Variants in ACBD6 observed in about 807,000 individuals in gnomAD.
The protein encoded by ACBD6 is acyl-CoA binding domain containing 6.
A neutral mutation model predicts 37.2 loss-of-function variants in ACBD6; 28 were observed. That is an observed-to-expected ratio of 0.75 (90% CI 0.56 to 1.03). ACBD6 has a LOEUF of 1.03. Among genes scored for constraint, ACBD6 ranks in the 50% least tolerant of loss-of-function variants. ACBD6 has a pLI of 0.00. For synonymous variants in ACBD6, 113 were observed against 126.8 expected (o/e 0.89, Z 0.73); for missense variants, 340 against 337.4 (o/e 1.01, Z -0.06).
At chr1:180,494,850 A>G (rs1204108255) in intron 2 of ACBD6, among the ~76,000 whole-genome samples, 1 of 152,184 alleles carries the variant, frequency 6.6e-6, no homozygotes, top group South Asian at 2.1e-4. Context: ...ACAAGGGGGA[A>G]CTTCTGAATT....
intron 6 of ACBD6, among the ~76,000 whole-genome samples, chr1:180,334,580 T>C (rs1216466961): frequency 6.6e-6 from 1 of 151,936 alleles, no homozygotes; most frequent in Non-Finnish European, 1.5e-5. Flanking sequence ...GCAGAAAAAC[T>C]GGAAACTCTA....
chr1:180,437,229 T>A (rs573905671), intron 3 of ACBD6, among the ~76,000 whole-genome samples: 1 of 152,188 alleles, frequency 6.6e-6, no homozygotes, highest in African/African-American at 2.4e-5. Context: ...CAGAACTCAG[T>A]TGAACCCAAA....
At chr1:180,319,575 A>G (rs1007665718) in intron 6 of ACBD6, among the ~76,000 whole-genome samples, 24 of 152,162 alleles carry the variant, frequency 1.6e-4, no homozygotes, top group Non-Finnish European at 3.5e-4. Flanking sequence ...TCACCCTGTT[A>G]TGCTATCAAA....
At chr1:180,306,003 A>G (rs1650344356) in intron 7 of ACBD6, among the ~76,000 whole-genome samples, 1 of 151,350 alleles carries the variant, frequency 6.6e-6, no homozygotes, top group Non-Finnish European at 1.5e-5. Flanking sequence ...CAAGGACAAA[A>G]AACCAAACAC....
intron 4 of ACBD6, among the ~76,000 whole-genome samples, chr1:180,426,428 T>C (rs1156314215): frequency 6.6e-6 from 1 of 152,210 alleles, no homozygotes; most frequent in Non-Finnish European, 1.5e-5. Flanking sequence ...CAGAATCATC[T>C]TACTCTACAA....
intron 7 of ACBD6, among the ~76,000 whole-genome samples, chr1:180,297,096 C>A (rs1375127610): frequency 6.6e-6 from 1 of 152,072 alleles, no homozygotes; most frequent in Non-Finnish European, 1.5e-5. Context: ...AATGATTTAG[C>A]AGTGATATTT....
rs1032835305 is a variant in ACBD6 at position 180,339,767 on chromosome 1, G to A, written c.664-25045C>T. ...GGACAGCAAACAAGACAAAAATCTC[G>A]CCCTAATTGGGAGAGGGGGAACAGA... On this transcript the variant is annotated intron_variant, in intron 6 of 7. Coordinates refer to ENST00000367595, the MANE Select transcript of ACBD6 (RefSeq NM_032360.4). Among the ~76,000 whole-genome samples, 7 of 152,058 alleles carry A rather than the reference G, an allele frequency of 4.6e-5. No individual in the cohort carries two copies. The East Asian group carries it at 7.7e-4, about 17-fold the overall frequency.
chr1:180,499,430 T>C (rs943580653), intron 1 of ACBD6, among the ~76,000 whole-genome samples: 9 of 152,206 alleles, frequency 5.9e-5, no homozygotes, highest in Non-Finnish European at 1.2e-4. Context: ...AGTCAAGTTC[T>C]TGAAAGGATG....
chr1:180,288,883 G>C (rs1230809828), intron 7 of ACBD6, among the ~76,000 whole-genome samples: 1 of 151,970 alleles, frequency 6.6e-6, no homozygotes, highest in Non-Finnish European at 1.5e-5. Flanking sequence ...ACATGTGCAG[G>C]ATATGTCAAA....
chr1:180,392,263 ATGTG>A (rs201188190), intron 6 of ACBD6, among the ~76,000 whole-genome samples: 19 of 137,976 alleles, frequency 1.4e-4, no homozygotes, highest in African/African-American at 2.7e-4. Context: ...ATGTGTATAG[ATGTG>A]TGTGTGTGTG....
intron 9 of ACBD6, chr1:180,281,187 A>G (rs1649297558): frequency 6.6e-6 from 1 of 152,172 alleles, no homozygotes; most frequent in South Asian, 2.1e-4. Context: ...TAGTTTGGTC[A>G]CTGGAGACTG....
intron 6 of ACBD6, among the ~76,000 whole-genome samples, chr1:180,380,694 A>G (rs944878367): frequency 2.0e-5 from 3 of 152,176 alleles, no homozygotes; most frequent in Non-Finnish European, 4.4e-5. Flanking sequence ...GTGAAAATAT[A>G]AAAACCACTG....
chr1:180,452,416 A>G (rs1235591810), intron 3 of ACBD6, among the ~76,000 whole-genome samples: 1 of 152,078 alleles, frequency 6.6e-6, no homozygotes, highest in Admixed American at 6.5e-5. Flanking sequence ...GGTTGTGGTG[A>G]GCCGAGATCA....
intron 4 of ACBD6, among the ~76,000 whole-genome samples, chr1:180,420,828 G>C (rs767406091): frequency 6.6e-6 from 1 of 152,096 alleles, no homozygotes; most frequent in Non-Finnish European, 1.5e-5. Flanking sequence ...GTATAGTGTT[G>C]ATCATAAACC....
At chr1:180,283,700 C>CTGT (rs1178260847), downstream of ACBD6, among the ~76,000 whole-genome samples, 1 of 151,934 alleles carries the variant, frequency 6.6e-6, no homozygotes, top group Non-Finnish European at 1.5e-5. Flanking sequence ...AAAAGTGATA[C>CTGT]AACAAAACAC....
At chr1:180,370,674 G>A (rs749906127) in intron 6 of ACBD6, among the ~76,000 whole-genome samples, 6 of 151,878 alleles carry the variant, frequency 4.0e-5, no homozygotes, top group Admixed American at 6.6e-5. Flanking sequence ...TGGAACTATC[G>A]TGTGTGTGTG....
intron 6 of ACBD6, among the ~76,000 whole-genome samples, chr1:180,318,464 G>A (rs1650922975): frequency 6.6e-6 from 1 of 152,004 alleles, no homozygotes; most frequent in African/African-American, 2.4e-5. Flanking sequence ...TGGACTATAA[G>A]TTTATTTTAA....
intron 3 of ACBD6, among the ~76,000 whole-genome samples, chr1:180,480,003 AAAGAAAAT>A (rs1029438394): frequency 2.6e-5 from 4 of 152,080 alleles, no homozygotes; most frequent in Non-Finnish European, 5.9e-5. Context: ...CCAAAGAAAA[AAAGAAAAT>A]ACAAGCAGAA....
rs535882044 is a variant in ACBD6, at chr1:180,484,979, AGAATTGCTT to A, written c.384+7281_384+7289del. On this transcript the variant is annotated intron_variant, in intron 3 of 7. Transcript: ENST00000367595. ...CCAGCTACTCAGGAGGCTGAGGCAG[AGAATTGCTT>A]GAACCCGGAAGGCGGGGGTTGCAGT... is the stretch of plus-strand genomic sequence containing the variant. 6.3e-3 allele frequency among the ~76,000 whole-genome samples: 898 copies of A among 143,086 alleles called. 8 individuals carry two copies. The highest frequency in any genetic ancestry group is 0.021 in the African/African-American group (840 of 39,330). 93.9% of individuals were successfully genotyped at this position (143,086 alleles called of 152,430 possible).
Sources: allele counts gnomAD v4.1 joint callset (sites outside exome capture counted in the v4.1 genomes callset), GRCh38; gene constraint gnomAD v4.1.1; transcripts MANE v1.5; gene names NCBI Gene and HGNC (gene_info 2026-07-23, HGNC 2026-07-21).